The following RBFOX3 variants were observed in gnomAD, a reference collection of about 807,000 sequenced individuals.
RBFOX3 encodes RNA binding protein fox-1 homolog 3.
Under a neutral mutation model 48.7 loss-of-function variants are expected in RBFOX3, and 17 were observed. That is an observed-to-expected ratio of 0.35 (90% CI 0.24 to 0.52). The LOEUF is 0.52. Ranked by LOEUF, RBFOX3 falls within the 20% of genes least tolerant of loss-of-function variation. The probability of loss-of-function intolerance (pLI) is 0.94; values close to 1 mark genes in which losing one functional copy is unlikely to be tolerated. For missense variants in RBFOX3, 382 were observed against 497.5 expected, an observed-to-expected ratio of 0.77 and a Z score of 2.21; for synonymous variants, 212 against 209.5, an observed-to-expected ratio of 1.01 and a Z score of -0.10.
intron 1 of RBFOX3, among the ~76,000 whole-genome samples, chr17:79,581,322 C>T (rs2093051567): frequency 1.3e-5 from 2 of 152,206 alleles, no homozygotes; most frequent in African/African-American, 2.4e-5. Flanking sequence ...TCACGGAAGC[C>T]TCCGGGCTTT....
At chr17:79,660,918 AT>A in the RBFOX3 span, among the ~76,000 whole-genome samples, 1 of 152,204 alleles carries the variant, frequency 6.6e-6, no homozygotes, top group Admixed American at 6.5e-5. Flanking sequence ...AGAAAACATG[AT>A]ACATATATAC....
At chr17:79,149,088 A>T (rs1178148054) in intron 4 of RBFOX3, among the ~76,000 whole-genome samples, 2 of 152,278 alleles carry the variant, frequency 1.3e-5, no homozygotes, top group East Asian at 3.9e-4. Context: ...AAAGCTTAAG[A>T]AGCACAAGGA....
chr17:79,162,031 C>G (rs1177713751), intron 4 of RBFOX3, among the ~76,000 whole-genome samples: 1 of 152,154 alleles, frequency 6.6e-6, no homozygotes, highest in East Asian at 1.9e-4. Context: ...CAAAACCGCT[C>G]ACAGACTTCT....
chr17:79,395,111 C>G (rs940898891), intron 2 of RBFOX3, among the ~76,000 whole-genome samples: 4 of 152,230 alleles, frequency 2.6e-5, no homozygotes, highest in African/African-American at 9.6e-5. Flanking sequence ...TCTGGGCCTC[C>G]CGTCAACCTT....
chr17:79,493,958 A>G (rs2081075480), intron 1 of RBFOX3, among the ~76,000 whole-genome samples: 1 of 152,048 alleles, frequency 6.6e-6, no homozygotes, highest in South Asian at 2.1e-4. Flanking sequence ...GTTGACCCAG[A>G]CCAGCTCTTC....
intron 1 of RBFOX3, among the ~76,000 whole-genome samples, chr17:79,517,147 AC>A (rs1272527682): frequency 2.6e-5 from 4 of 152,104 alleles, no homozygotes; most frequent in Admixed American, 2.6e-4. Context: ...GTATTTTATC[AC>A]AATAAGAAAA....
rs761386588 is a variant in RBFOX3, at chr17:79,101,676, G to A, written c.508-32C>T. ...AAAGAGGGAAGGAGAGAGAGGAAGA[G>A]GGAGGATTAGCCTCCTGGAAGACCC... On this transcript the variant is annotated intron_variant, in intron 8 of 14. Transcript: ENST00000693108. The A allele has an allele frequency of 2.6e-6, 4 of 1,544,876 alleles. No individual in the cohort carries two copies. The Admixed American group carries it at 5.9e-5, about 23-fold the overall frequency.
chr17:79,597,214 T>C (rs2093592374), intron 1 of RBFOX3, among the ~76,000 whole-genome samples: 1 of 152,178 alleles, frequency 6.6e-6, no homozygotes, highest in South Asian at 2.1e-4. Flanking sequence ...CCTCCTGTCT[T>C]GCTGCTAAAA....
At chr17:79,092,960 G>A (rs1317708836) in intron 14 of RBFOX3, among the ~76,000 whole-genome samples, 1 of 151,894 alleles carries the variant, frequency 6.6e-6, no homozygotes, top group Non-Finnish European at 1.5e-5. Context: ...TATGCAGAGG[G>A]GGGGTCCCAG....
chr17:79,410,228 G>C (rs1026512716), intron 2 of RBFOX3, among the ~76,000 whole-genome samples: 1 of 152,192 alleles, frequency 6.6e-6, no homozygotes, highest in African/African-American at 2.4e-5. Context: ...TCTTGTGGAC[G>C]GTCAGTTTCC....
intron 1 of RBFOX3, among the ~76,000 whole-genome samples, chr17:79,546,520 C>T (rs2090452117): frequency 1.4e-5 from 2 of 142,380 alleles, no homozygotes; most frequent in Non-Finnish European, 3.0e-5. Context: ...CCTCCATGCC[C>T]ATCCATCTGA....
At chr17:79,166,727 G>A (rs2048085152) in intron 4 of RBFOX3, among the ~76,000 whole-genome samples, 1 of 152,176 alleles carries the variant, frequency 6.6e-6, no homozygotes, top group South Asian at 2.1e-4. Flanking sequence ...GCCAGGGCTG[G>A]CCCCAGCCAG....
chr17:79,305,004 A>C (rs1315761140), intron 3 of RBFOX3, among the ~76,000 whole-genome samples: 3 of 152,138 alleles, frequency 2.0e-5, no homozygotes, highest in Non-Finnish European at 4.4e-5. Flanking sequence ...CGCTATCCTG[A>C]GCCCCGTGCT....
chr17:79,559,645 G>T (rs1437969959), intron 1 of RBFOX3, among the ~76,000 whole-genome samples: 4 of 146,620 alleles, frequency 2.7e-5, no homozygotes, highest in Admixed American at 6.8e-5. Context: ...GGTGAATAGT[G>T]GATGGGTGGA....
intron 4 of RBFOX3, among the ~76,000 whole-genome samples, chr17:79,122,388 T>C (rs1055121511): frequency 6.6e-6 from 1 of 152,150 alleles, no homozygotes; most frequent in African/African-American, 2.4e-5. Context: ...CAGCCACAAA[T>C]GTCTCCGCTG....
At chr17:79,097,182 CCAGGTCTGGAA>C in intron 11 of RBFOX3, 99 bp downstream of exon 11, 1 of 924,614 alleles carries the variant, frequency 1.1e-6, no homozygotes, top group Non-Finnish European at 1.6e-6. Flanking sequence ...CTCCCCCCCC[CCAGGTCTGGAA>C]AGGCTGCCTA....
At chr17:79,210,994 C>T (rs1486335371) in intron 4 of RBFOX3, among the ~76,000 whole-genome samples, 1 of 151,404 alleles carries the variant, frequency 6.6e-6, no homozygotes, top group Non-Finnish European at 1.5e-5. Flanking sequence ...GAGGAGGTTG[C>T]CTGCAGAGAC....
chr17:79,393,965 C>A (rs1743269780), intron 2 of RBFOX3, among the ~76,000 whole-genome samples: 2 of 151,366 alleles, frequency 1.3e-5, no homozygotes, highest in Non-Finnish European at 2.9e-5. Flanking sequence ...GGTCACCACG[C>A]ACATCGTCTG....
At chr17:79,380,871 G>A (rs56343687) in intron 2 of RBFOX3, among the ~76,000 whole-genome samples, 30,651 of 152,050 alleles carry the variant, frequency 0.2, 3,297 homozygotes, top group South Asian at 0.35. Flanking sequence ...CGAGGCACCT[G>A]TGTCGGCAGA....
Sources: allele counts gnomAD v4.1 joint callset (sites outside exome capture counted in the v4.1 genomes callset), GRCh38; gene constraint gnomAD v4.1.1; transcripts MANE v1.5; gene names NCBI Gene and HGNC (gene_info 2026-07-23, HGNC 2026-07-21).